FGD5: variants seen among roughly 807,000 people sequenced by gnomAD.
FGD5 encodes FYVE, RhoGEF and PH domain-containing protein 5.
Under a neutral mutation model 133.4 loss-of-function variants are expected in FGD5, and 28 were observed. The ratio of observed to expected loss-of-function variants is 0.21; its 90% CI spans 0.16 to 0.29. FGD5 has a LOEUF of 0.29. Ranked by LOEUF, FGD5 falls within the 10% of genes least tolerant of loss-of-function variation. FGD5 has a pLI of 1.00. For missense variants in FGD5, 1,858 were observed against 1,895.2 expected (o/e 0.98, Z 0.36); for synonymous variants, 810 against 776.5 (o/e 1.04, Z -0.72).
Position 14,864,139 on chromosome 3 carries a change from A to C in FGD5, c.2537A>C (p.Glu846Ala), listed in dbSNP as rs775267863. ...CTGCTTTGACCCAGCGCCTACACAGAGCCCTACAAAGTCTGTCCCATCTCG... is the reference window on the plus strand; with the variant it reads ...CTGCTTTGACCCAGCGCCTACACAGCGCCCTACAAAGTCTGTCCCATCTCG... Reference protein sequence around the residue: ...ADQDAESAYTEPYKVCPISSA... With the variant: ...ADQDAESAYTAPYKVCPISSA... Residue 846 changes from glutamate to alanine, a missense_variant, in exon 2 of 20, where the codon GAG becomes GCG. Glu to Ala is a moderately radical substitution (Grantham distance 107). Around this residue, in one of 3 missense-constraint regions of FGD5, gnomAD observed 1,824 missense variants for 1,848.9 expected, o/e 0.99. Transcript: ENST00000285046. 1.2e-6 allele frequency: 2 copies of C among 1,613,584 alleles called. No individual in the cohort carries two copies. Among genetic ancestry groups the C allele is most frequent in the Non-Finnish European group, 1.7e-6 (2 of 1,179,684 alleles).
At chr3:14,850,449 G>A (rs1430892737) in intron 1 of FGD5, among the ~76,000 whole-genome samples, 3 of 152,180 alleles carry the variant, frequency 2.0e-5, no homozygotes, top group Non-Finnish European at 4.4e-5. Context: ...CTCAGCAGTG[G>A]CAGCACCTGT....
rs1365985949 is a variant in FGD5 at position 14,922,848 on chromosome 3, G to A, written c.3808-198G>A. 2.0e-5 allele frequency among the ~76,000 whole-genome samples: 3 copies of A among 152,196 alleles called. No homozygotes were observed. The highest frequency in any genetic ancestry group is 4.4e-5 in the Non-Finnish European group (3 of 68,024). ...AGTGGTTAAGGGCGCGGGCTCATCA[G>A]AAAAGCAGATAGGCGCTGGCTCAGA... On this transcript the variant is annotated intron_variant, in intron 15 of 19. Coordinates refer to ENST00000285046, the MANE Select transcript of FGD5 (RefSeq NM_152536.4). This position sits in a 1 kb window ranked among gnomAD's most constrained non-coding sequence, Gnocchi z 4.1.
At chr3:14,861,546 C>T (rs777633337) in intron 1 of FGD5, among the ~76,000 whole-genome samples, 18 of 152,192 alleles carry the variant, frequency 1.2e-4, no homozygotes, top group Non-Finnish European at 1.9e-4. Flanking sequence ...GAGAGAGGCA[C>T]CTTCAGAGGC....
At chr3:14,863,664 T>A (rs948432842) in intron 1 of FGD5, among the ~76,000 whole-genome samples, 2 of 152,224 alleles carry the variant, frequency 1.3e-5, no homozygotes, top group Non-Finnish European at 2.9e-5. Context: ...ATGTCTTGTC[T>A]GCAATCTAGC....
intron 13 of FGD5, chr3:14,920,567 T>C (rs538415627): frequency 6.6e-6 from 1 of 152,252 alleles, no homozygotes; most frequent in South Asian, 2.1e-4. Flanking sequence ...GTTGTTGTGC[T>C]CTCCAGGAGC....
At chr3:14,825,253 C>T (rs375163348) in intron 1 of FGD5, among the ~76,000 whole-genome samples, 1 of 152,014 alleles carries the variant, frequency 6.6e-6, no homozygotes. Flanking sequence ...AAATTTATTA[C>T]CTATGTCCAT....
intron 4 of FGD5, among the ~76,000 whole-genome samples, chr3:14,885,380 C>T (rs2037905659): frequency 6.6e-6 from 1 of 152,062 alleles, no homozygotes; most frequent in Non-Finnish European, 1.5e-5. Flanking sequence ...GGTAGATAAC[C>T]TCAGTGCCAG....
chr3:14,909,713 C>A (rs2038409403), intron 10 of FGD5, among the ~76,000 whole-genome samples: 1 of 151,788 alleles, frequency 6.6e-6, no homozygotes, highest in Admixed American at 6.6e-5. Context: ...ACAGTGCTTA[C>A]ACACAAATTC....
chr3:14,928,918 CT>C (rs1282509177), intron 18 of FGD5, among the ~76,000 whole-genome samples: 2 of 151,290 alleles, frequency 1.3e-5, no homozygotes, highest in African/African-American at 2.4e-5. Flanking sequence ...GTTTTTGTAC[CT>C]TTTTTTTGCC....
At chr3:14,870,130 GGCA>G (rs2037577011) in intron 2 of FGD5, among the ~76,000 whole-genome samples, 1 of 12,992 alleles carries the variant, frequency 7.7e-5, no homozygotes, top group African/African-American at 4.8e-4. Flanking sequence ...GGAACGGAAT[GGCA>G]TGAGGGAGCC....
intron 4 of FGD5, chr3:14,897,061 A>G (rs897485452): frequency 1.2e-5 from 2 of 172,300 alleles, no homozygotes; most frequent in Admixed American, 6.4e-5. Flanking sequence ...TGACAGCTTA[A>G]TATACCATAG....
intron 9 of FGD5, among the ~76,000 whole-genome samples, chr3:14,903,838 C>T (rs539247332): frequency 1.3e-5 from 2 of 152,284 alleles, no homozygotes; most frequent in Admixed American, 6.5e-5. Context: ...AGGGTCCCTT[C>T]CAGGACCCCA....
chr3:14,882,226 T>G (rs2037838998), intron 4 of FGD5: 1 of 885,454 alleles, frequency 1.1e-6, no homozygotes, highest in Non-Finnish European at 1.4e-6. Flanking sequence ...CTCCCTTATT[T>G]CTGGGCTGAC....
chr3:14,893,334 A>G (rs1468133892), intron 4 of FGD5, among the ~76,000 whole-genome samples: 8 of 151,896 alleles, frequency 5.3e-5, no homozygotes, highest in Admixed American at 2.0e-4. Flanking sequence ...TCTTCTGGTT[A>G]TTTTATTTAT....
At chr3:14,832,265 C>T (rs937776988) in intron 1 of FGD5, among the ~76,000 whole-genome samples, 1 of 152,174 alleles carries the variant, frequency 6.6e-6, no homozygotes, top group Non-Finnish European at 1.5e-5. Context: ...GACACTTTTA[C>T]GTAAGAGGCT....
At chr3:14,839,097 C>G (rs1403203607) in intron 1 of FGD5, among the ~76,000 whole-genome samples, 1 of 152,118 alleles carries the variant, frequency 6.6e-6, no homozygotes, top group Non-Finnish European at 1.5e-5. Flanking sequence ...TTGTTAGCAC[C>G]AAGAAAGGAA....
At chr3:14,870,016 T>G (rs1391390480) in intron 2 of FGD5, among the ~76,000 whole-genome samples, 1 of 152,252 alleles carries the variant, frequency 6.6e-6, no homozygotes, top group Non-Finnish European at 1.5e-5. Flanking sequence ...AACTGCCATA[T>G]AGTTTTCCAC....
intron 18 of FGD5, among the ~76,000 whole-genome samples, chr3:14,926,533 C>T (rs935977229): frequency 6.6e-6 from 1 of 152,268 alleles, no homozygotes; most frequent in African/African-American, 2.4e-5. Flanking sequence ...AAAACACCTT[C>T]CTACTGTCTG....
intron 9 of FGD5, among the ~76,000 whole-genome samples, chr3:14,902,464 G>A (rs1486536680): frequency 6.6e-6 from 1 of 152,094 alleles, no homozygotes; most frequent in African/African-American, 2.4e-5. Context: ...AGGCGTTGGG[G>A]ACAGGATGGC....
Sources: gnomAD v4.1 joint callset for allele counts (sites outside exome capture counted in the v4.1 genomes callset) on GRCh38, gnomAD v4.1.1 for gene constraint, gnomAD v4.1.1 regional missense constraint, Gnocchi (gnomAD v3.1) non-coding constraint, MANE v1.5 for transcripts, NCBI Gene and HGNC (gene_info 2026-07-23, HGNC 2026-07-21) for gene names.